RALYL: variants seen among roughly 807,000 people sequenced by gnomAD.
RALYL encodes the protein RALY RNA binding protein like.
RALYL carries 29 observed loss-of-function variants against 35.1 expected under a neutral mutation model. The ratio of observed to expected loss-of-function variants is 0.83; its 90% CI spans 0.61 to 1.13. The LOEUF (loss-of-function observed/expected upper bound fraction) is 1.13, where lower values mean the gene tolerates loss of function less well. RALYL is among the 50% of genes most tolerant of loss of function. The pLI is 0.00. For synonymous variants in RALYL, 120 were observed against 127.6 expected, an observed-to-expected ratio of 0.94 and a Z score of 0.40; for missense variants, 359 against 360.4, an observed-to-expected ratio of 1.00 and a Z score of 0.03.
At chr8:84,840,250 T>C (rs1832934964) in intron 4 of RALYL, among the ~76,000 whole-genome samples, 1 of 151,420 alleles carries the variant, frequency 6.6e-6, no homozygotes, top group Non-Finnish European at 1.5e-5. Flanking sequence ...CTAACTAGAA[T>C]AACCAATGCA....
intron 2 of RALYL, among the ~76,000 whole-genome samples, chr8:84,721,968 A>G (rs961416603): frequency 1.3e-5 from 2 of 152,140 alleles, no homozygotes; most frequent in Non-Finnish European, 2.9e-5. Flanking sequence ...TTTCCGAAGC[A>G]TTTAAAGTTA....
chr8:84,829,015 C>A (rs564181455), intron 4 of RALYL: 5 of 152,008 alleles, frequency 3.3e-5, no homozygotes, highest in Admixed American at 2.0e-4. Context: ...GAAGAAACAC[C>A]CGAGACTGGG....
intron 1 of RALYL, among the ~76,000 whole-genome samples, chr8:84,210,436 C>T (rs931249892): frequency 2.0e-5 from 3 of 151,150 alleles, no homozygotes; most frequent in African/African-American, 4.9e-5. Flanking sequence ...AGTACCAGCA[C>T]GAGTTGCTTC....
rs749256254 is a variant in RALYL at position 84,887,601 on chromosome 8, C to A, written c.686-3C>A. ...GTAGTCATTTGCTTTCTCCCCCCCCCAGAAGCTCAGAAGAAGCAATTGGAA... is the reference window on the plus strand; with the variant it reads ...GTAGTCATTTGCTTTCTCCCCCCCCAAGAAGCTCAGAAGAAGCAATTGGAA... On this transcript the variant is annotated splice_polypyrimidine_tract_variant and splice_region_variant and intron_variant, in intron 7 of 8. Coordinates refer to ENST00000521268, the MANE Select transcript of RALYL (RefSeq NM_173848.7). 5.6e-6 allele frequency: 9 copies of A among 1,596,638 alleles called. No homozygotes were observed. Among genetic ancestry groups the A allele is most frequent in the African/African-American group, 1.4e-5 (1 of 72,956 alleles).
Position 84,226,343 on chromosome 8 carries a change from G to C in RALYL, c.-24+41919G>C, listed in dbSNP as rs1488953541. Reference sequence around the variant, plus strand: ...CAAAATTGGTCCCTGGTGCCAAAAAGGTTGGAGATCGCTGGTGTAGAGTAT... The same window carrying C: ...CAAAATTGGTCCCTGGTGCCAAAAACGTTGGAGATCGCTGGTGTAGAGTAT... On this transcript the variant is annotated intron_variant, in intron 1 of 8. Coordinates refer to ENST00000521268, the MANE Select transcript of RALYL (RefSeq NM_173848.7). 3.9e-5 allele frequency among the ~76,000 whole-genome samples: 6 copies of C among 152,008 alleles called. No individual in the cohort carries two copies. The East Asian group carries it at 1.2e-3, about 29-fold the overall frequency.
chr8:84,514,090 T>TAAAAAAAAAAAA (rs57881021), intron 1 of RALYL, among the ~76,000 whole-genome samples: 30 of 41,092 alleles, frequency 7.3e-4, no homozygotes, highest in East Asian at 8.9e-4. Context: ...AGATTTCATC[T>TAAAAAAAAAAAA]AAAAAAAAAA....
At chr8:84,237,120 T>C (rs1826762091) in intron 1 of RALYL, among the ~76,000 whole-genome samples, 1 of 152,186 alleles carries the variant, frequency 6.6e-6, no homozygotes, top group Non-Finnish European at 1.5e-5. Context: ...ACTGCACATT[T>C]TAAGATACTT....
chr8:84,390,845 C>T (rs2131784807), intron 1 of RALYL, among the ~76,000 whole-genome samples: 1 of 152,070 alleles, frequency 6.6e-6, no homozygotes, highest in African/African-American at 2.4e-5. Flanking sequence ...ACTGTCTCCT[C>T]TCCTTGTTTT....
intron 2 of RALYL, among the ~76,000 whole-genome samples, chr8:84,574,557 T>C (rs183923135): frequency 5.9e-5 from 9 of 152,234 alleles, no homozygotes; most frequent in African/African-American, 2.2e-4. Context: ...TCCCTCTCTC[T>C]ACCTTTCACA....
intron 1 of RALYL, among the ~76,000 whole-genome samples, chr8:84,311,329 T>C (rs1185586922): frequency 3.3e-5 from 5 of 151,912 alleles, no homozygotes; most frequent in Non-Finnish European, 7.4e-5. Flanking sequence ...GAGAATGTTT[T>C]CCAGGCATAT....
intron 1 of RALYL, among the ~76,000 whole-genome samples, chr8:84,200,572 A>C (rs1281831892): frequency 1.3e-5 from 2 of 152,086 alleles, no homozygotes; most frequent in Admixed American, 6.6e-5. Context: ...AATAATTTTA[A>C]CTGTTAACTA....
intron 1 of RALYL, among the ~76,000 whole-genome samples, chr8:84,192,560 T>TC (rs1382266178): frequency 1.3e-5 from 2 of 151,980 alleles, no homozygotes; most frequent in South Asian, 2.1e-4. Flanking sequence ...TTCTTTTTTT[T>TC]TTTCTTTCTT....
At chr8:84,320,454 G>A (rs1421551175) in intron 1 of RALYL, among the ~76,000 whole-genome samples, 1 of 150,568 alleles carries the variant, frequency 6.6e-6, no homozygotes, top group Non-Finnish European at 1.5e-5. Context: ...ACACACTTAT[G>A]TCTCATTCTC....
intron 1 of RALYL, among the ~76,000 whole-genome samples, chr8:84,317,991 C>T (rs982498638): frequency 1.3e-5 from 2 of 151,788 alleles, no homozygotes; most frequent in Non-Finnish European, 2.9e-5. Flanking sequence ...ATGCCATTAC[C>T]TTCTATATTC....
At chr8:84,441,961 T>C (rs1055783639) in intron 1 of RALYL, among the ~76,000 whole-genome samples, 2 of 152,104 alleles carry the variant, frequency 1.3e-5, no homozygotes, top group African/African-American at 2.4e-5. Flanking sequence ...GGTATATTTA[T>C]TCCCTTGTTC....
Position 84,663,296 on chromosome 8 carries a change from G to A in RALYL, c.257-111283G>A, listed in dbSNP as rs923175828. Among the ~76,000 whole-genome samples, 27 of 152,072 alleles carry A rather than the reference G, an allele frequency of 1.8e-4. 2 individuals carry two copies. The highest frequency in any genetic ancestry group is 1.6e-3 in the Admixed American group (25 of 15,248). ...GTGAAAAGTGCTGCAGTGAACATAC[G>A]TGTGCATGTATCTTTATAATAGAAT... On this transcript the variant is annotated intron_variant, in intron 2 of 8. Transcript: ENST00000521268.
At chr8:84,879,783 T>A (rs2135338964) in intron 7 of RALYL, among the ~76,000 whole-genome samples, 1 of 151,978 alleles carries the variant, frequency 6.6e-6, no homozygotes, top group East Asian at 1.9e-4. Context: ...AGACATTGAG[T>A]TGTCCTTAGC....
At chr8:84,896,145 G>A (rs1318446242) in intron 8 of RALYL, among the ~76,000 whole-genome samples, 2 of 152,114 alleles carry the variant, frequency 1.3e-5, no homozygotes, top group African/African-American at 4.8e-5. Flanking sequence ...GAACCAGTAT[G>A]ACTCTCTCAC....
At chr8:84,626,900 C>T (rs1392366667) in intron 2 of RALYL, among the ~76,000 whole-genome samples, 7 of 152,134 alleles carry the variant, frequency 4.6e-5, no homozygotes, top group Non-Finnish European at 8.8e-5. Context: ...TTACAGTTTG[C>T]TGCGCTTTCA....
Sources: gnomAD v4.1 joint callset for allele counts (sites outside exome capture counted in the v4.1 genomes callset) on GRCh38, gnomAD v4.1.1 for gene constraint, MANE v1.5 for transcripts, NCBI Gene and HGNC (gene_info 2026-07-23, HGNC 2026-07-21) for gene names.